The following UBTF variants were observed in gnomAD, a reference collection of about 807,000 sequenced individuals.
The protein encoded by UBTF is nucleolar transcription factor 1.
UBTF carries 8 observed loss-of-function variants against 112.3 expected under a neutral mutation model. The observed-to-expected ratio is 0.07, with a 90% CI of 0.04 to 0.13. The LOEUF (loss-of-function observed/expected upper bound fraction) is 0.13. Among genes scored for constraint, UBTF ranks in the 10% least tolerant of loss-of-function variants. UBTF has a pLI of 1.00. For missense variants in UBTF, 457 were observed against 982.1 expected (o/e 0.47, Z 7.15); for synonymous variants, 417 against 373.1 (o/e 1.12, Z -1.36).
At position 44,207,026 on chromosome 17, in the gene UBTF, G is replaced by A. The variant is rs985252589; in HGVS notation, c.*216C>T. On this transcript the variant is annotated 3_prime_UTR_variant, in exon 21 of 21. Coordinates refer to ENST00000436088, the MANE Select transcript of UBTF (RefSeq NM_014233.4). ...TCTGATAGTTGCTGTCCCTGGAGGA[G>A]GACCCCCAAGGGCTGATGTCTCTGA... 1.2e-5 allele frequency: 7 copies of A among 597,842 alleles called. No individual in the cohort carries two copies. In the African/African-American group the frequency reaches 1.3e-4, roughly 11 times the overall value. 37.0% of individuals were successfully genotyped at this position (597,842 alleles called of 1,614,324 possible).
chr17:44,213,479 AGCTG>A, intron 5 of UBTF, 197 bp from the exon 6 acceptor site: 1 of 559,196 alleles, frequency 1.8e-6, no homozygotes, highest in East Asian at 2.9e-5. Flanking sequence ...AGATGGTGGG[AGCTG>A]CAGGGGTCGC....
chr17:44,220,489 C>T (rs1204084998), upstream of UBTF, among the ~76,000 whole-genome samples: 1 of 145,896 alleles, frequency 6.9e-6, no homozygotes, highest in East Asian at 2.1e-4. Flanking sequence ...CCTTGCCGAA[C>T]GGCACATACG....
Position 44,207,106 on chromosome 17 carries a change from T to G in UBTF, c.*136A>C, listed in dbSNP as rs2056289162. 4 of 1,009,988 alleles carry G rather than the reference T, an allele frequency of 4.0e-6. No individual in the cohort carries two copies. The highest frequency in any genetic ancestry group is 5.7e-6 in the Non-Finnish European group (4 of 705,552). 62.6% of individuals were successfully genotyped at this position (1,009,988 alleles called of 1,614,324 possible). On this transcript the variant is annotated 3_prime_UTR_variant, in exon 21 of 21. Coordinates refer to ENST00000436088, the MANE Select transcript of UBTF (RefSeq NM_014233.4). The stretch of plus-strand genomic sequence containing the variant: ...AGCCCCCTACCCCCACCGTATTTTT[T>G]TTTTTTTTTAAAGAAAGAAAGAAAG...
At chr17:44,220,167 G>C (rs1023202613), upstream of UBTF, among the ~76,000 whole-genome samples, 12 of 151,640 alleles carry the variant, frequency 7.9e-5, no homozygotes, top group Non-Finnish European at 5.9e-5. Context: ...GGCGGGCGCC[G>C]AGAGCGACCT....
chr17:44,219,611 TGTGGCGGC>T lies in UBTF; in HGVS notation c.-242_-235del, dbSNP rs2047063561. ...GCGCTGGGGCGGCGGCTGCTGCTGC[TGTGGCGGC>T]GGCGGCGGCGGCGGCGGCTGTGGCT... On this transcript the variant is annotated 5_prime_UTR_variant, in exon 1 of 21. Transcript: ENST00000436088. 14 of 42,260 alleles carry T rather than the reference TGTGGCGGC, an allele frequency of 3.3e-4. No individual in the cohort carries two copies. Among genetic ancestry groups the T allele is most frequent in the Non-Finnish European group, 5.1e-4 (14 of 27,266 alleles). 2.6% of individuals were successfully genotyped at this position (42,260 alleles called of 1,614,324 possible).
chr17:44,218,707 G>A (rs2046988882), intron 1 of UBTF, among the ~76,000 whole-genome samples: 1 of 151,604 alleles, frequency 6.6e-6, no homozygotes, highest in East Asian at 1.9e-4. Context: ...GCGCGGCCAC[G>A]GAAGCGGGCA....
upstream of UBTF, chr17:44,221,103 T>A (rs967713512): frequency 6.6e-6 from 1 of 151,922 alleles, no homozygotes; most frequent in Non-Finnish European, 1.5e-5. Flanking sequence ...AAAAAATTTT[T>A]TTTTTTTAAA....
chr17:44,220,555 C>T (rs1229218944), upstream of UBTF, among the ~76,000 whole-genome samples: 2 of 152,038 alleles, frequency 1.3e-5, no homozygotes. Context: ...AAAAAATCCC[C>T]GTTGCTCTTT....
At position 44,218,063 on chromosome 17, in the gene UBTF, C is replaced by A. The variant is rs149825544; in HGVS notation, c.58+109G>T. The A allele has an allele frequency of 2.0e-3, 2,181 of 1,096,486 alleles. 25 individuals carry two copies. In the African/African-American group the frequency reaches 0.026, roughly 13 times the overall value. The allele number at this position is 1,096,486 out of a possible 1,614,324, so 67.9% of individuals were successfully genotyped here. Reference sequence around the variant, plus strand: ...ATAAATACTCAAGGCACTTTCTCCCCCAGTTCAGTGTATGCAGACTGAAAA... The same window carrying A: ...ATAAATACTCAAGGCACTTTCTCCCACAGTTCAGTGTATGCAGACTGAAAA... On this transcript the variant is annotated intron_variant, in intron 2 of 20. Coordinates refer to ENST00000436088, the MANE Select transcript of UBTF (RefSeq NM_014233.4).
chr17:44,213,898 G>T (rs1271544118), intron 5 of UBTF, among the ~76,000 whole-genome samples: 1 of 151,990 alleles, frequency 6.6e-6, no homozygotes, highest in Non-Finnish European at 1.5e-5. Context: ...GATCCTGGCT[G>T]TCTGGCCCCT....
At chr17:44,214,615 T>C (rs1402651402) in intron 5 of UBTF, among the ~76,000 whole-genome samples, 1 of 150,014 alleles carries the variant, frequency 6.7e-6, no homozygotes, top group Non-Finnish European at 1.5e-5. Flanking sequence ...CAGCAATCCA[T>C]ACCCCTCTCT....
In UBTF at chr17:44,211,100, T is replaced by A; in HGVS notation, c.1142A>T (p.Asn381Ile). ...GCTGGTGGCCTGCTTCTTGTTGATG[T>A]TCAGCATCTTCTCTTCCCCCAAGAC... The part of the protein sequence containing the change: ...QRVLGEEKML[N>I]INKKQATSPA... The change falls in exon 12 of 21, where the codon AAC (asparagine) becomes ATC (isoleucine). Residue 381 changes from asparagine to isoleucine, a missense_variant. Transcript: ENST00000436088. This position sits in a 1 kb window ranked among gnomAD's most constrained non-coding sequence, Gnocchi z 4.9. The A allele has an allele frequency of 6.2e-7, 1 of 1,613,156 alleles. No individual in the cohort carries two copies. Among genetic ancestry groups the A allele is most frequent in the Non-Finnish European group, 8.5e-7 (1 of 1,180,000 alleles).
intron 13 of UBTF, 124 bp from the exon 14 acceptor site, chr17:44,210,597 G>A: frequency 2.1e-6 from 3 of 1,398,806 alleles, no homozygotes; most frequent in East Asian, 2.7e-5. Context: ...TCTCCCGCCT[G>A]GGGCTCGCCC....
At chr17:44,212,540 C>G in intron 7 of UBTF, 86 bp from the exon 8 acceptor site, 1 of 1,074,044 alleles carries the variant, frequency 9.3e-7, no homozygotes, top group Non-Finnish European at 1.3e-6. Context: ...AGGCCCCCGC[C>G]CCCTCAGGCC....
In UBTF at chr17:44,210,911, T is replaced by C; in HGVS notation, c.1240A>G (p.Met414Val). The C allele has an allele frequency of 1.9e-6, 3 of 1,607,222 alleles. No individual in the cohort carries two copies. The highest frequency in any genetic ancestry group is 2.5e-6 in the Non-Finnish European group (3 of 1,178,066). ...SEKPKRPVSA[M>V]FIFSEEKRRQ... ...CGTTTCTCCTCCGAGAAGATGAACA[T>C]GGCCGACACGGGCCGCTTGGGCTTC... The change falls in exon 13 of 21, where the codon ATG becomes GTG. Residue 414 changes from methionine to valine, a missense_variant. Around this residue, in one of 7 missense-constraint regions of UBTF, gnomAD observed 108 missense variants for 137.4 expected, o/e 0.79. Transcript: ENST00000436088.
chr17:44,207,131 G>A lies in UBTF; in HGVS notation c.*111C>T. ...TTTTTTTTTTAAAGAAAGAAAGAAA[G>A]TGGGGGAGGCCAGGGGGGCAAGGGA... is the stretch of plus-strand genomic sequence containing the variant. On this transcript the variant is annotated 3_prime_UTR_variant, in exon 21 of 21. Transcript: ENST00000436088. The A allele has an allele frequency of 2.5e-6, 3 of 1,181,910 alleles. No homozygotes were observed. Among genetic ancestry groups the A allele is most frequent in the Non-Finnish European group, 3.6e-6 (3 of 844,554 alleles). The allele number at this position is 1,181,910 out of a possible 1,614,324, so 73.2% of individuals were successfully genotyped here. A position where few individuals can be genotyped will look rare whatever the true frequency, so the allele number is the denominator to read the frequency against.
chr17:44,209,114 A>C, intron 17 of UBTF: 1 of 396,516 alleles, frequency 2.5e-6, no homozygotes. Context: ...GGTTGCAGTG[A>C]GCCGAGACTA....
upstream of UBTF, chr17:44,220,826 C>G (rs1431784515): frequency 6.6e-6 from 1 of 152,154 alleles, no homozygotes; most frequent in Non-Finnish European, 1.5e-5. Flanking sequence ...GCAGCCGACG[C>G]CGGGGCAGCG....
At chr17:44,208,092 ATTTTT>A (rs57107684) in intron 17 of UBTF, among the ~76,000 whole-genome samples, 181 bp from the exon 18 acceptor site, 5 of 117,992 alleles carry the variant, frequency 4.2e-5, no homozygotes, top group African/African-American at 6.6e-5. Flanking sequence ...CACAGCTCTA[ATTTTT>A]TTTTTTTTTT....
Sources: allele counts gnomAD v4.1 joint callset (sites outside exome capture counted in the v4.1 genomes callset), GRCh38; gene constraint gnomAD v4.1.1; regional missense constraint gnomAD v4.1.1; non-coding constraint Gnocchi (gnomAD v3.1); transcripts MANE v1.5; gene names NCBI Gene and HGNC (gene_info 2026-07-23, HGNC 2026-07-21).